The following CCDC146 variants were observed in gnomAD, a reference collection of about 807,000 sequenced individuals.
The protein encoded by CCDC146 is coiled-coil domain containing 146, also known as coiled-coil domain-containing protein 146.
CCDC146 carries 92 observed loss-of-function variants against 119.3 expected under a neutral mutation model. That is an observed-to-expected ratio of 0.77 (90% confidence interval 0.65 to 0.92). The LOEUF is 0.92. CCDC146 is among the 40% of genes least tolerant of loss of function. The pLI is 0.00. For missense variants in CCDC146, 1,000 were observed against 1,103.0 expected (o/e 0.91, Z 1.32); for synonymous variants, 372 against 371.8 (o/e 1.00, Z -0.01).
intron 1 of CCDC146, among the ~76,000 whole-genome samples, chr7:77,128,468 C>G (rs1790739458): frequency 6.6e-6 from 1 of 151,392 alleles, no homozygotes; most frequent in Non-Finnish European, 1.5e-5. Context: ...AAAAGAACAT[C>G]TTTATGCCTA....
At chr7:77,270,260 C>G (rs750968951) in intron 9 of CCDC146, among the ~76,000 whole-genome samples, 14 of 151,490 alleles carry the variant, frequency 9.2e-5, no homozygotes, top group Non-Finnish European at 1.6e-4. Context: ...GAACAGACAC[C>G]AAAACTATTA....
chr7:77,126,994 C>A (rs1418969268), intron 1 of CCDC146, among the ~76,000 whole-genome samples: 1 of 152,144 alleles, frequency 6.6e-6, no homozygotes. Flanking sequence ...TCAACCCCAA[C>A]CCCACTCCAA....
intron 11 of CCDC146, among the ~76,000 whole-genome samples, chr7:77,275,578 A>G (rs1436476648): frequency 1.3e-5 from 2 of 152,108 alleles, no homozygotes; most frequent in African/African-American, 4.8e-5. Context: ...TTTCACTCCC[A>G]TCTCAGACTC....
At chr7:77,284,035 C>T (rs1793807384) in intron 15 of CCDC146, among the ~76,000 whole-genome samples, 1 of 152,164 alleles carries the variant, frequency 6.6e-6, no homozygotes, top group African/African-American at 2.4e-5. Context: ...CTGCTTCCAA[C>T]AAGGTTCATT....
At chr7:77,276,509 C>T (rs1011722884) in intron 11 of CCDC146, among the ~76,000 whole-genome samples, 2 of 152,156 alleles carry the variant, frequency 1.3e-5, no homozygotes, top group African/African-American at 4.8e-5. Context: ...ATGGCTGGCA[C>T]ATGGGAAGAT....
rs770759054 is a variant in CCDC146 at position 77,282,638 on chromosome 7, TG to T, written c.2003del (p.Gly668GlufsTer15). 1 of 1,612,658 alleles carries T rather than the reference TG, an allele frequency of 6.2e-7. No individual in the cohort carries two copies. The highest frequency in any genetic ancestry group is 1.1e-5 in the South Asian group (1 of 91,042). ...ATATCCAAGAGAAGATGAAACTAAA[TG>T]GAGAAATTGAAATACATCTACTGGA... is the stretch of plus-strand genomic sequence containing the variant. Reference protein sequence around the residue: ...INIQEKMKLNGEIEIHLLEEK... With the variant: ...INIQEKMKLNXEIEIHLLEEK... On this transcript the variant is annotated frameshift_variant, in exon 15 of 19. Coordinates refer to ENST00000285871, the MANE Select transcript of CCDC146 (RefSeq NM_020879.3). LOFTEE classifies it high-confidence loss of function.
intron 18 of CCDC146, among the ~76,000 whole-genome samples, chr7:77,293,731 C>T (rs1793994225): frequency 6.6e-6 from 1 of 152,230 alleles, no homozygotes; most frequent in Admixed American, 6.5e-5. Flanking sequence ...GCTGACTCCC[C>T]CTGCAAGTTA....
intron 1 of CCDC146, among the ~76,000 whole-genome samples, chr7:77,148,653 G>T (rs1791060955): frequency 6.6e-6 from 1 of 152,092 alleles, no homozygotes; most frequent in Admixed American, 6.6e-5. Flanking sequence ...AAATCAATGT[G>T]CAAAAATCAC....
At chr7:77,170,354 C>T (rs1022783376) in intron 2 of CCDC146, among the ~76,000 whole-genome samples, 3 of 148,382 alleles carry the variant, frequency 2.0e-5, no homozygotes, top group Admixed American at 1.4e-4. Flanking sequence ...ATATATATAA[C>T]ACACTTTCTT....
intron 8 of CCDC146, 115 bp downstream of exon 8, chr7:77,260,351 A>T (rs1029974161): frequency 1.4e-6 from 1 of 725,168 alleles, no homozygotes; most frequent in Non-Finnish European, 2.2e-6. Context: ...AAATAATTTT[A>T]AATCAACTTT....
intron 2 of CCDC146, among the ~76,000 whole-genome samples, chr7:77,180,299 A>G (rs550209355): frequency 3.6e-4 from 55 of 152,070 alleles, no homozygotes; most frequent in Middle Eastern, 6.8e-3. Flanking sequence ...CACACACCCC[A>G]TATTTTGTTT....
At chr7:77,272,204 A>G (rs1466833647) in intron 9 of CCDC146, among the ~76,000 whole-genome samples, 2 of 152,170 alleles carry the variant, frequency 1.3e-5, no homozygotes, top group East Asian at 3.8e-4. Flanking sequence ...TAGCAATTTT[A>G]TGTTTGTTAA....
At chr7:77,217,562 T>G (rs3114303) in intron 2 of CCDC146, among the ~76,000 whole-genome samples, 65,234 of 147,014 alleles carry the variant, frequency 0.44, 14,503 homozygotes, top group East Asian at 0.58. Context: ...TATATATATA[T>G]AGAGAGAGAG....
rs574668838 is a variant in CCDC146, at chr7:77,160,839, G to T, written c.-11-6819G>T. On this transcript the variant is annotated intron_variant, in intron 1 of 18. Transcript: ENST00000285871. The stretch of plus-strand genomic sequence containing the variant: ...CACAGCAAAAGAAACTACCATCAGA[G>T]TGAACAGGAAACCTACAAAATGGGA... Among the ~76,000 whole-genome samples, 224 of 152,252 alleles carry T rather than the reference G, an allele frequency of 1.5e-3. 5 individuals carry two copies. Among genetic ancestry groups the T allele is most frequent in the Admixed American group, 0.015 (224 of 15,284 alleles).
At chr7:77,151,725 C>A (rs1172355879) in intron 1 of CCDC146, among the ~76,000 whole-genome samples, 2 of 152,132 alleles carry the variant, frequency 1.3e-5, no homozygotes, top group Admixed American at 1.3e-4. Context: ...TGGTTTCAGG[C>A]TGGTTGTCTG....
chr7:77,280,066 G>T (rs1198064873), intron 13 of CCDC146, among the ~76,000 whole-genome samples: 2 of 152,108 alleles, frequency 1.3e-5, no homozygotes, highest in Admixed American at 6.5e-5. Flanking sequence ...GCTGAGTCAG[G>T]CACCACCTTA....
At chr7:77,168,152 T>G (rs570091663) in intron 2 of CCDC146, among the ~76,000 whole-genome samples, 2 of 152,258 alleles carry the variant, frequency 1.3e-5, no homozygotes, top group African/African-American at 4.8e-5. Flanking sequence ...TTTACTTCCA[T>G]AAAATTAAAA....
At chr7:77,271,521 TATATATATATATATATATATA>T (rs879583304) in intron 9 of CCDC146, among the ~76,000 whole-genome samples, 7,025 of 18,698 alleles carry the variant, frequency 0.38, 795 homozygotes, top group East Asian at 0.59. Flanking sequence ...GAGATATATA[TATATATATATATATATATATA>T]TATATATATA....
chr7:77,275,482 G>A (rs1793616919), intron 11 of CCDC146, among the ~76,000 whole-genome samples: 1 of 152,200 alleles, frequency 6.6e-6, no homozygotes, highest in Non-Finnish European at 1.5e-5. Flanking sequence ...CGGAGGATTT[G>A]AACAGATGGC....
Sources: gnomAD v4.1 joint callset for allele counts (sites outside exome capture counted in the v4.1 genomes callset) on GRCh38, gnomAD v4.1.1 for gene constraint, MANE v1.5 for transcripts, NCBI Gene and HGNC (gene_info 2026-07-23, HGNC 2026-07-21) for gene names.